Variants in DTWD2 observed in about 807,000 individuals in gnomAD.
DTWD2 encodes the protein tRNA-uridine aminocarboxypropyltransferase 2.
A neutral mutation model predicts 31.8 loss-of-function variants in DTWD2; 39 were observed. The observed-to-expected ratio is 1.22, with a 90% CI of 0.95 to 1.60. The LOEUF (loss-of-function observed/expected upper bound fraction) is 1.60, where lower values mean the gene tolerates loss of function less well. Ranked by LOEUF, DTWD2 falls within the 40% of genes most tolerant of loss-of-function variation. The pLI is 0.00. For missense variants in DTWD2, 515 were observed against 381.5 expected (o/e 1.35, Z -2.92); for synonymous variants, 180 against 142.8 (o/e 1.26, Z -1.86).
At chr5:118,884,824 G>A (rs1243465939) in intron 4 of DTWD2, among the ~76,000 whole-genome samples, 3 of 151,572 alleles carry the variant, frequency 2.0e-5, no homozygotes, top group Admixed American at 1.3e-4. Context: ...GGCTAACACG[G>A]TGAAACCCGG....
chr5:118,913,810 G>T (rs1317860740), intron 4 of DTWD2, among the ~76,000 whole-genome samples: 1 of 151,942 alleles, frequency 6.6e-6, no homozygotes, highest in Non-Finnish European at 1.5e-5. Context: ...ATCTTTCAAA[G>T]AAAGCTGTAT....
intron 4 of DTWD2, among the ~76,000 whole-genome samples, chr5:118,884,633 T>C (rs924522756): frequency 6.6e-6 from 1 of 152,200 alleles, no homozygotes; most frequent in African/African-American, 2.4e-5. Flanking sequence ...CTTTTTCCTT[T>C]CACAAAAATT....
Position 118,861,691 on chromosome 5 carries a change from G to A in DTWD2, c.598-13473C>T, listed in dbSNP as rs192881527. Among the ~76,000 whole-genome samples, 7 of 152,266 alleles carry A rather than the reference G, an allele frequency of 4.6e-5. No homozygotes were observed. In the East Asian group the frequency reaches 9.6e-4, roughly 21 times the overall value. On this transcript the variant is annotated intron_variant, in intron 4 of 5. Transcript: ENST00000510708. ...GTACCTAGAAAAGAGACTGGGATAA[G>A]GCAGAGACAGCAGGGGAGAAGTTCC...
At chr5:118,875,202 A>T (rs751387608) in intron 4 of DTWD2, among the ~76,000 whole-genome samples, 3 of 152,194 alleles carry the variant, frequency 2.0e-5, no homozygotes, top group Admixed American at 1.3e-4. Flanking sequence ...TTCCTGAAGG[A>T]AGCACTAAAT....
chr5:118,973,701 T>G (rs961108871), intron 1 of DTWD2: 42 of 1,468,088 alleles, frequency 2.9e-5, no homozygotes, highest in Admixed American at 3.7e-5. Flanking sequence ...ACGCGCCTCC[T>G]CCGCCGCCGC....
chr5:118,875,995 A>G (rs1186953931), intron 4 of DTWD2, among the ~76,000 whole-genome samples: 2 of 152,218 alleles, frequency 1.3e-5, no homozygotes, highest in African/African-American at 4.8e-5. Flanking sequence ...TAAAATTACA[A>G]CAAGTAGTCT....
intron 4 of DTWD2, among the ~76,000 whole-genome samples, chr5:118,882,218 T>C (rs546984594): frequency 1.1e-4 from 17 of 152,204 alleles, no homozygotes; most frequent in Non-Finnish European, 2.4e-4. Context: ...CATTAAATCT[T>C]AAAGCTCCAA....
chr5:118,859,491 G>C (rs1752212221), intron 4 of DTWD2, among the ~76,000 whole-genome samples: 1 of 152,152 alleles, frequency 6.6e-6, no homozygotes, highest in South Asian at 2.1e-4. Flanking sequence ...TAATATTTTA[G>C]ATACTCAAAT....
chr5:118,966,746 G>C (rs1259203461), intron 1 of DTWD2, among the ~76,000 whole-genome samples: 1 of 152,046 alleles, frequency 6.6e-6, no homozygotes, highest in Non-Finnish European at 1.5e-5. Context: ...AAGTCAATCA[G>C]AGGCCAGGCA....
At chr5:118,848,302 CT>C in intron 4 of DTWD2, 84 bp from the exon 5 acceptor site, 1 of 1,262,352 alleles carries the variant, frequency 7.9e-7, no homozygotes, top group Non-Finnish European at 1.1e-6. Flanking sequence ...AATTACTTTC[CT>C]TCCAAAACTG....
intron 4 of DTWD2, among the ~76,000 whole-genome samples, chr5:118,863,238 G>T (rs1752307145): frequency 6.6e-6 from 1 of 152,098 alleles, no homozygotes; most frequent in Admixed American, 6.6e-5. Context: ...AAAACAAATA[G>T]TTGTCCCCAG....
chr5:118,842,621 TC>T (rs879698105), intron 5 of DTWD2, among the ~76,000 whole-genome samples: 1 of 152,082 alleles, frequency 6.6e-6, no homozygotes, highest in Non-Finnish European at 1.5e-5. Flanking sequence ...CAGTAAGGGC[TC>T]TCTTACATGC....
At chr5:118,932,372 G>A (rs1377603221) in intron 3 of DTWD2, among the ~76,000 whole-genome samples, 1 of 147,934 alleles carries the variant, frequency 6.8e-6, no homozygotes, top group Non-Finnish European at 1.5e-5. Flanking sequence ...TAAGCCTGAA[G>A]CAAGCACTAT....
intron 4 of DTWD2, among the ~76,000 whole-genome samples, chr5:118,921,990 T>C (rs985632959): frequency 6.6e-6 from 1 of 152,166 alleles, no homozygotes; most frequent in Admixed American, 6.5e-5. Flanking sequence ...AGCGAGAAAT[T>C]AAGCTTTAGT....
chr5:118,946,387 C>T (rs1580428584), intron 1 of DTWD2, among the ~76,000 whole-genome samples: 1 of 152,250 alleles, frequency 6.6e-6, no homozygotes, highest in South Asian at 2.1e-4. Flanking sequence ...AAACAGGGTG[C>T]AATGACAAAC....
rs1407236500 is a variant in DTWD2 at position 118,903,500 on chromosome 5, C to T, written c.597+25037G>A. On this transcript the variant is annotated intron_variant, in intron 4 of 5. Coordinates refer to ENST00000510708, the MANE Select transcript of DTWD2 (RefSeq NM_173666.4). Reference sequence around the variant, plus strand: ...TAAAGGGTTGAAAATATTCCAATTGCACACAGTGAAAATTAAATTATGCTT... The same window carrying T: ...TAAAGGGTTGAAAATATTCCAATTGTACACAGTGAAAATTAAATTATGCTT... Among the ~76,000 whole-genome samples, 4 of 151,898 alleles carry T rather than the reference C, an allele frequency of 2.6e-5. No individual in the cohort carries two copies. The South Asian group carries it at 6.2e-4, about 24-fold the overall frequency.
Position 118,840,814 on chromosome 5 carries a change from C to CATT in DTWD2, c.*102_*103insAAT, listed in dbSNP as rs111388652. On this transcript the variant is annotated 3_prime_UTR_variant, in exon 6 of 6. Coordinates refer to ENST00000510708, the MANE Select transcript of DTWD2 (RefSeq NM_173666.4). ...CTGGGTAAGATTAGTATGCAATTCTCCTTCTTTAGCAAGTCAAAAACCTAC... is the reference window on the plus strand; with the variant it reads ...CTGGGTAAGATTAGTATGCAATTCTCATTCTTCTTTAGCAAGTCAAAAACCTAC... 0.28 allele frequency: 341,339 copies of CATT among 1,238,340 alleles called. 53,076 individuals are homozygous for CATT. Among genetic ancestry groups the CATT allele is most frequent in the African/African-American group, 0.62 (40,126 of 64,282 alleles). The allele number at this position is 1,238,340 out of a possible 1,614,324, so 76.7% of individuals were successfully genotyped here.
At chr5:118,940,829 C>G (rs902344692) in intron 2 of DTWD2, among the ~76,000 whole-genome samples, 4 of 152,144 alleles carry the variant, frequency 2.6e-5, no homozygotes, top group African/African-American at 9.7e-5. Context: ...ATTTAGCTTT[C>G]TAATACCACT....
intron 4 of DTWD2, among the ~76,000 whole-genome samples, chr5:118,852,684 G>T (rs142979300): frequency 6.6e-6 from 1 of 151,618 alleles, no homozygotes; most frequent in African/African-American, 2.4e-5. Context: ...AATTAAAACC[G>T]AACTATCAAT....
Sources: allele counts gnomAD v4.1 joint callset (sites outside exome capture counted in the v4.1 genomes callset), GRCh38; gene constraint gnomAD v4.1.1; transcripts MANE v1.5; gene names NCBI Gene and HGNC (gene_info 2026-07-23, HGNC 2026-07-21).